The following FSTL4 variants were observed in gnomAD, a reference collection of about 807,000 sequenced individuals.
The protein encoded by FSTL4 is follistatin-related protein 4.
Under a neutral mutation model 78.2 loss-of-function variants are expected in FSTL4, and 28 were observed. That is an observed-to-expected ratio of 0.36 (90% CI 0.27 to 0.49). The LOEUF (loss-of-function observed/expected upper bound fraction) is 0.49. Among genes scored for constraint, FSTL4 ranks in the 20% least tolerant of loss-of-function variants. FSTL4 has a pLI of 0.98. For synonymous variants in FSTL4, 422 were observed against 440.5 expected (o/e 0.96, Z 0.53); for missense variants, 922 against 1,084.9 (o/e 0.85, Z 2.11).
intron 13 of FSTL4, among the ~76,000 whole-genome samples, chr5:133,212,319 G>T (rs1036367320): frequency 1.3e-5 from 2 of 152,188 alleles, no homozygotes; most frequent in Non-Finnish European, 2.9e-5. Context: ...GGAGTCCAGA[G>T]AACTTAAGCC....
chr5:133,825,571 T>C, the FSTL4 span, among the ~76,000 whole-genome samples: 37,314 of 152,176 alleles, frequency 0.25, 5,155 homozygotes, highest in African/African-American at 0.36. Context: ...TTCCCACTGA[T>C]GAAAAATAAA....
chr5:133,701,392 G>T, the FSTL4 span, among the ~76,000 whole-genome samples: 1 of 132,352 alleles, frequency 7.6e-6, no homozygotes, highest in Non-Finnish European at 1.6e-5. Context: ...AATAGAGGAA[G>T]AGTCAGTCTC....
intron 4 of FSTL4, among the ~76,000 whole-genome samples, chr5:133,358,188 G>A (rs1440275451): frequency 2.0e-5 from 3 of 152,124 alleles, no homozygotes; most frequent in East Asian, 1.9e-4. Context: ...GAGCCCTCTC[G>A]GATAATCCAG....
At chr5:133,614,359 G>T (rs369650010), upstream of FSTL4, among the ~76,000 whole-genome samples, 58 of 152,316 alleles carry the variant, frequency 3.8e-4, no homozygotes, top group East Asian at 6.8e-3. Context: ...ACTTCTACAC[G>T]CTTCCCAAAG....
intron 4 of FSTL4, among the ~76,000 whole-genome samples, chr5:133,329,540 T>G (rs1420812860): frequency 6.6e-6 from 1 of 152,122 alleles, no homozygotes; most frequent in Non-Finnish European, 1.5e-5. Flanking sequence ...ACTGAAGAAC[T>G]TGGAGTCTGA....
chr5:133,814,546 C>T, the FSTL4 span, among the ~76,000 whole-genome samples: 2 of 152,334 alleles, frequency 1.3e-5, no homozygotes, highest in East Asian at 3.9e-4. Context: ...CTTCCTCCTA[C>T]TCCTTTCTTT....
At chr5:133,546,085 T>C (rs1489224526) in intron 3 of FSTL4, among the ~76,000 whole-genome samples, 2 of 152,220 alleles carry the variant, frequency 1.3e-5, no homozygotes, top group Non-Finnish European at 2.9e-5. Context: ...ATTCAGGCTA[T>C]TATATGGCTA....
chr5:133,579,799 T>C lies in FSTL4; in HGVS notation c.127-12580A>G, dbSNP rs565209706. 1.8e-4 allele frequency among the ~76,000 whole-genome samples: 28 copies of C among 152,336 alleles called. No homozygotes were observed. In the South Asian group the frequency reaches 3.1e-3, roughly 17 times the overall value. ...AGTGTGCCCTCCAGTACAGTCCTCATGTCTGAGTCTATTTTTCATTCTTTG... is the reference window on the plus strand; with the variant it reads ...AGTGTGCCCTCCAGTACAGTCCTCACGTCTGAGTCTATTTTTCATTCTTTG... On this transcript the variant is annotated intron_variant, in intron 2 of 15. Transcript: ENST00000265342.
intron 3 of FSTL4, among the ~76,000 whole-genome samples, chr5:133,431,890 C>T (rs1022430955): frequency 2.6e-5 from 4 of 151,934 alleles, no homozygotes; most frequent in Non-Finnish European, 5.9e-5. Flanking sequence ...TTAATAATTA[C>T]AATAGTGATA....
chr5:133,642,372 G>C, the FSTL4 span, among the ~76,000 whole-genome samples: 1 of 152,164 alleles, frequency 6.6e-6, no homozygotes, highest in Non-Finnish European at 1.5e-5. Flanking sequence ...TGCAGTGTGG[G>C]TTTGGCCACT....
At chr5:133,668,929 C>T in the FSTL4 span, among the ~76,000 whole-genome samples, 1 of 152,156 alleles carries the variant, frequency 6.6e-6, no homozygotes, top group Non-Finnish European at 1.5e-5. Flanking sequence ...AAGTTTCATT[C>T]ACTCTTATGA....
At chr5:133,560,630 C>T (rs1221152665) in intron 3 of FSTL4, among the ~76,000 whole-genome samples, 1 of 151,436 alleles carries the variant, frequency 6.6e-6, no homozygotes, top group Non-Finnish European at 1.5e-5. Context: ...TCCCAAAGTG[C>T]TGGGATTACA....
At chr5:133,316,429 C>T (rs1178608591) in intron 5 of FSTL4, 30 bp downstream of exon 5, 2 of 1,579,696 alleles carry the variant, frequency 1.3e-6, no homozygotes, top group South Asian at 2.2e-5. Context: ...ATTCCTCCAT[C>T]ATGTGACTTT....
chr5:133,655,549 T>A, the FSTL4 span, among the ~76,000 whole-genome samples: 1 of 152,296 alleles, frequency 6.6e-6, no homozygotes, highest in South Asian at 2.1e-4. Flanking sequence ...CTTGAGTATC[T>A]CCTATCATCC....
At chr5:133,631,335 G>A in the FSTL4 span, among the ~76,000 whole-genome samples, 320 of 151,388 alleles carry the variant, frequency 2.1e-3, 1 homozygote, top group Middle Eastern at 0.01. Flanking sequence ...AAAAGTGGGC[G>A]AAGGATATGA....
chr5:133,684,233 G>A, the FSTL4 span, among the ~76,000 whole-genome samples: 5 of 152,150 alleles, frequency 3.3e-5, no homozygotes, highest in South Asian at 4.1e-4. Context: ...GATAGCAGGC[G>A]GGGATGCTCA....
chr5:133,760,577 G>A, the FSTL4 span, among the ~76,000 whole-genome samples: 3 of 152,170 alleles, frequency 2.0e-5, no homozygotes, highest in African/African-American at 7.2e-5. Context: ...TCCTTGCCCA[G>A]TGCACTCTGT....
the FSTL4 span, among the ~76,000 whole-genome samples, chr5:133,695,357 C>T: frequency 6.6e-6 from 1 of 152,162 alleles, no homozygotes; most frequent in Non-Finnish European, 1.5e-5. Context: ...AGCAAGCACC[C>T]TCACCCACAC....
intron 12 of FSTL4, among the ~76,000 whole-genome samples, chr5:133,219,155 A>G (rs1464703431): frequency 6.6e-6 from 1 of 152,044 alleles, no homozygotes; most frequent in Non-Finnish European, 1.5e-5. Flanking sequence ...ACCCATCTCA[A>G]ATCACTTGCA....
Sources: gnomAD v4.1 joint callset for allele counts (sites outside exome capture counted in the v4.1 genomes callset) on GRCh38, gnomAD v4.1.1 for gene constraint, MANE v1.5 for transcripts, NCBI Gene and HGNC (gene_info 2026-07-23, HGNC 2026-07-21) for gene names.